MGAT5B: variants seen among roughly 807,000 people sequenced by gnomAD.
MGAT5B encodes the protein N-acetylglucosaminyl-transferase Vb.
In MGAT5B, 54 loss-of-function variants were observed where a neutral mutation model predicts 95.1. The ratio of observed to expected loss-of-function variants is 0.57; its 90% CI spans 0.46 to 0.71. The LOEUF (loss-of-function observed/expected upper bound fraction) is 0.71. Ranked by LOEUF, MGAT5B falls within the 30% of genes least tolerant of loss-of-function variation. MGAT5B has a pLI of 0.00. For synonymous variants in MGAT5B, 464 were observed against 451.0 expected, an observed-to-expected ratio of 1.03 and a Z score of -0.36; for missense variants, 935 against 1,088.6, an observed-to-expected ratio of 0.86 and a Z score of 1.99.
At chr17:76,923,436 G>C (rs566151740) in intron 8 of MGAT5B, among the ~76,000 whole-genome samples, 2 of 152,268 alleles carry the variant, frequency 1.3e-5, no homozygotes, top group Admixed American at 6.5e-5. Flanking sequence ...CCGGGAGATG[G>C]GACCCGATGG....
intron 15 of MGAT5B, among the ~76,000 whole-genome samples, chr17:76,945,644 G>T (rs12451650): frequency 0.36 from 54,461 of 152,040 alleles, 10,222 homozygotes; most frequent in East Asian, 0.56. Context: ...GTTTGTGCCT[G>T]TGGGGGCAGG....
In MGAT5B at chr17:76,940,369, C is replaced by G; in HGVS notation, c.1585-33C>G. The G allele has an allele frequency of 6.5e-7, 1 of 1,542,914 alleles. No individual in the cohort carries two copies. Among genetic ancestry groups the G allele is most frequent in the East Asian group, 2.3e-5 (1 of 43,612 alleles). ...GCTTACTGGGCTGTGGCGGCCCAGC[C>G]CTCCCTGATCACTGCGCCCCTTGAC... On this transcript the variant is annotated intron_variant, in intron 13 of 17. Coordinates refer to ENST00000569840, the MANE Select transcript of MGAT5B (RefSeq NM_001199172.2). The surrounding 1 kb of genome is among the most constrained non-coding windows in gnomAD (Gnocchi z 4.3).
rs560322039 is a variant in MGAT5B at position 76,893,426 on chromosome 17, C to T, written c.330-9129C>T. Among the ~76,000 whole-genome samples, 32 of 152,356 alleles carry T rather than the reference C, an allele frequency of 2.1e-4. No individual in the cohort carries two copies. The South Asian group carries it at 4.6e-3, about 22-fold the overall frequency. On this transcript the variant is annotated intron_variant, in intron 3 of 17. Transcript: ENST00000569840. Reference sequence around the variant, plus strand: ...GCCAGATCTTCACTGTTCATGTTCACGCTGCTCTGCCAGAAGCAGCCGGTT... The same window carrying T: ...GCCAGATCTTCACTGTTCATGTTCATGCTGCTCTGCCAGAAGCAGCCGGTT...
At chr17:76,903,201 C>T in intron 4 of MGAT5B, 102 bp from the exon 5 acceptor site, 2 of 882,770 alleles carry the variant, frequency 2.3e-6, no homozygotes, top group Non-Finnish European at 3.5e-6. Flanking sequence ...GGTGGGAAAG[C>T]CTGGCAGCGG....
intron 6 of MGAT5B, 96 bp downstream of exon 6, chr17:76,904,518 T>C (rs543359445): frequency 7.4e-6 from 10 of 1,354,118 alleles, no homozygotes; most frequent in Non-Finnish European, 9.9e-6. Context: ...GGAATGAGAC[T>C]GAGCTGCTTG....
At chr17:76,886,239 T>A (rs1967625031) in intron 3 of MGAT5B, among the ~76,000 whole-genome samples, 1 of 152,196 alleles carries the variant, frequency 6.6e-6, no homozygotes, top group Non-Finnish European at 1.5e-5. Flanking sequence ...GTGCAGAGTC[T>A]GGGCTGGAGG....
chr17:76,868,564 C>G lies in MGAT5B; in HGVS notation c.-466C>G, dbSNP rs917702648. On this transcript the variant is annotated 5_prime_UTR_variant, in exon 1 of 18. Coordinates refer to ENST00000569840, the MANE Select transcript of MGAT5B (RefSeq NM_001199172.2). This position sits in a 1 kb window ranked among gnomAD's most constrained non-coding sequence, Gnocchi z 6.3. ...CGAGAGCCATGGGCGCGGCGCGGCG[C>G]GGGGCTGAGGATCGGCGCGGCCCGG... The G allele has an allele frequency of 4.1e-5, 6 of 147,968 alleles. No homozygotes were observed. The highest frequency in any genetic ancestry group is 1.5e-4 in the African/African-American group (6 of 40,882). The allele number at this position is 147,968 out of a possible 1,614,324, so 9.2% of individuals were successfully genotyped here.
At chr17:76,892,745 G>A (rs1054725275) in intron 3 of MGAT5B, among the ~76,000 whole-genome samples, 2 of 152,236 alleles carry the variant, frequency 1.3e-5, no homozygotes, top group Admixed American at 1.3e-4. Context: ...TCCCAGCAAC[G>A]ATATGGGACA....
In MGAT5B at chr17:76,916,808, C is replaced by T. The variant is rs981647472; in HGVS notation, c.1026-8158C>T. Reference sequence around the variant, plus strand: ...CTCTGCCAAGGACAGACCAAGAGAGCGTCTTGTCAGATGGTGGCTGGAGAG... The same window carrying T: ...CTCTGCCAAGGACAGACCAAGAGAGTGTCTTGTCAGATGGTGGCTGGAGAG... On this transcript the variant is annotated intron_variant, in intron 8 of 17. Coordinates refer to ENST00000569840, the MANE Select transcript of MGAT5B (RefSeq NM_001199172.2). The surrounding 1 kb of genome is among the most constrained non-coding windows in gnomAD (Gnocchi z 5.3). 3.3e-5 allele frequency among the ~76,000 whole-genome samples: 5 copies of T among 152,156 alleles called. No homozygotes were observed. Among genetic ancestry groups the T allele is most frequent in the East Asian group, 3.9e-4 (2 of 5,172 alleles).
Position 76,912,547 on chromosome 17 carries a change from G to A in MGAT5B, c.1025+6360G>A, listed in dbSNP as rs555996729. ...CTTGTACATTTGTTGTAGTTTATTC[G>A]CAGATGTTCACGGCAGATGTCCTGG... On this transcript the variant is annotated intron_variant, in intron 8 of 17. Transcript: ENST00000569840. This position sits in a 1 kb window ranked among gnomAD's most constrained non-coding sequence, Gnocchi z 5.0. Among the ~76,000 whole-genome samples the A allele has an allele frequency of 2.6e-5, 4 of 152,228 alleles. No individual in the cohort carries two copies. Among genetic ancestry groups the A allele is most frequent in the Admixed American group, 6.5e-5 (1 of 15,280 alleles).
chr17:76,902,398 A>C (rs1968344809), intron 3 of MGAT5B, among the ~76,000 whole-genome samples, 157 bp from the exon 4 acceptor site: 1 of 151,804 alleles, frequency 6.6e-6, no homozygotes, highest in Non-Finnish European at 1.5e-5. Flanking sequence ...TTCTCACCCG[A>C]TTCACTCCCC....
At chr17:76,888,923 T>C (rs1967767212) in intron 3 of MGAT5B, among the ~76,000 whole-genome samples, 2 of 152,312 alleles carry the variant, frequency 1.3e-5, no homozygotes, top group South Asian at 4.1e-4. Flanking sequence ...GTCCGGCCTG[T>C]GGCCTGCAGT....
intron 9 of MGAT5B, among the ~76,000 whole-genome samples, chr17:76,925,909 G>C (rs1969298256): frequency 6.6e-6 from 1 of 152,186 alleles, no homozygotes; most frequent in South Asian, 2.1e-4. Flanking sequence ...GGCCCATTGA[G>C]AATGGCCTCG....
In MGAT5B at chr17:76,906,636, G is replaced by A. The variant is rs1483739392; in HGVS notation, c.1025+449G>A. ...GGGCGTGGTTGGGTGGGTGGTGCCT[G>A]TCCCTTACCCAGTGCTGGGCTTTTC... is the stretch of plus-strand genomic sequence containing the variant. On this transcript the variant is annotated intron_variant, in intron 8 of 17. Transcript: ENST00000569840. This position sits in a 1 kb window ranked among gnomAD's most constrained non-coding sequence, Gnocchi z 4.6. Among the ~76,000 whole-genome samples, 1 of 152,162 alleles carries A rather than the reference G, an allele frequency of 6.6e-6. No homozygotes were observed. The highest frequency in any genetic ancestry group is 2.4e-5 in the African/African-American group (1 of 41,424).
At chr17:76,895,178 G>A (rs886946067) in intron 3 of MGAT5B, among the ~76,000 whole-genome samples, 1 of 152,006 alleles carries the variant, frequency 6.6e-6, no homozygotes, top group Non-Finnish European at 1.5e-5. Context: ...ACATGTGAGG[G>A]ATCAAGGTTG....
intron 8 of MGAT5B, among the ~76,000 whole-genome samples, chr17:76,923,385 G>GCAGA (rs2145232832): frequency 1.4e-5 from 1 of 71,540 alleles, no homozygotes; most frequent in Admixed American, 1.3e-4. Context: ...CTGCAGAGCT[G>GCAGA]GCTGGCACCT....
At position 76,926,613 on chromosome 17, in the gene MGAT5B, A is replaced by G. The variant is rs1969321326; in HGVS notation, c.1174A>G (p.Ile392Val). 6 of 1,612,290 alleles carry G rather than the reference A, an allele frequency of 3.7e-6. No individual in the cohort carries two copies. Among genetic ancestry groups the G allele is most frequent in the Non-Finnish European group, 5.1e-6 (6 of 1,179,730 alleles). The part of the protein sequence containing the change: ...FKKYRCRIRV[I>V]DTFGTEPAYN... The stretch of plus-strand genomic sequence containing the variant: ...GGGGGGCAGGTGCCGAATCAGGGTC[A>G]TCGACACCTTCGGGACGGAACCTGC... Residue 392 changes from isoleucine (I) to valine (V), a missense_variant, in exon 10 of 18, where the codon ATC (isoleucine) becomes GTC (valine). Coordinates refer to ENST00000569840, the MANE Select transcript of MGAT5B (RefSeq NM_001199172.2).
In MGAT5B at chr17:76,906,219, T is replaced by TG. The variant is rs1436209148; in HGVS notation, c.1025+36dup. The TG allele has an allele frequency of 6.4e-7, 1 of 1,574,072 alleles. No individual in the cohort carries two copies. Among genetic ancestry groups the TG allele is most frequent in the African/African-American group, 1.4e-5 (1 of 71,844 alleles). ...GCTGGGGAAAGCCACTGGCATTAAG[T>TG]GGGGCAGGGAGGGGATGAAGGGGAA... On this transcript the variant is annotated intron_variant, in intron 8 of 17. Transcript: ENST00000569840. The surrounding 1 kb of genome is among the most constrained non-coding windows in gnomAD (Gnocchi z 4.6).
chr17:76,914,202 G>A lies in MGAT5B; in HGVS notation c.1025+8015G>A, dbSNP rs999874153. 1.5e-5 allele frequency: 3 copies of A among 198,192 alleles called. No homozygotes were observed. Among genetic ancestry groups the A allele is most frequent in the Non-Finnish European group, 3.1e-5 (3 of 95,834 alleles). 12.3% of individuals were successfully genotyped at this position (198,192 alleles called of 1,614,324 possible). A position where few individuals can be genotyped will look rare whatever the true frequency, so the allele number is the denominator to read the frequency against. ...CCACAAAGATGTCATTGCTGACTTT[G>A]GAAAGAGCATTGTGGTGCAGTCGTG... On this transcript the variant is annotated intron_variant, in intron 8 of 17. Coordinates refer to ENST00000569840, the MANE Select transcript of MGAT5B (RefSeq NM_001199172.2). This position sits in a 1 kb window ranked among gnomAD's most constrained non-coding sequence, Gnocchi z 5.1.
Sources: allele counts gnomAD v4.1 joint callset (sites outside exome capture counted in the v4.1 genomes callset), GRCh38; gene constraint gnomAD v4.1.1; non-coding constraint Gnocchi (gnomAD v3.1); transcripts MANE v1.5; gene names NCBI Gene and HGNC (gene_info 2026-07-23, HGNC 2026-07-21).